The following LY96 variants were observed in gnomAD, a reference collection of about 807,000 sequenced individuals.
LY96 encodes lymphocyte antigen 96, also known as myeloid differentiation protein-2.
Under a neutral mutation model 18.9 loss-of-function variants are expected in LY96, and 18 were observed. The observed-to-expected ratio is 0.95, with a 90% CI of 0.66 to 1.41. The LOEUF is 1.41. LY96 is among the 40% of genes most tolerant of loss of function. LY96 has a pLI of 0.00. For synonymous variants in LY96, 66 were observed against 62.6 expected (o/e 1.06, Z -0.26); for missense variants, 175 against 182.4 (o/e 0.96, Z 0.23).
intron 1 of LY96, among the ~76,000 whole-genome samples, chr8:74,002,413 AT>A (rs1345365814): frequency 6.7e-6 from 1 of 150,372 alleles, no homozygotes; most frequent in African/African-American, 2.5e-5. Flanking sequence ...CTTTTAAATT[AT>A]TTTTTCCTTT....
chr8:74,006,323 G>A (rs1000369866), intron 2 of LY96, among the ~76,000 whole-genome samples: 10 of 151,948 alleles, frequency 6.6e-5, no homozygotes, highest in Non-Finnish European at 8.8e-5. Flanking sequence ...TCAGCCTCCC[G>A]GGTAGCTGGG....
chr8:74,067,035 C>A, the LY96 span, among the ~76,000 whole-genome samples: 4 of 152,138 alleles, frequency 2.6e-5, no homozygotes, highest in African/African-American at 9.7e-5. Context: ...TGTTCTTGTG[C>A]ATCCGGCTAG....
chr8:74,022,289 C>T (rs1816780812), intron 3 of LY96, among the ~76,000 whole-genome samples: 1 of 151,854 alleles, frequency 6.6e-6, no homozygotes, highest in Non-Finnish European at 1.5e-5. Context: ...TGTTTGTAAT[C>T]CCCGCTACCA....
chr8:74,029,784 C>G (rs1022512769), downstream of LY96, among the ~76,000 whole-genome samples: 1 of 152,150 alleles, frequency 6.6e-6, no homozygotes, highest in Non-Finnish European at 1.5e-5. Flanking sequence ...GTCAGCCTCC[C>G]AAGTAGCTGG....
At chr8:74,028,807 A>C (rs1816920080) in intron 4 of LY96, 149 bp from the exon 5 acceptor site, 1 of 537,884 alleles carries the variant, frequency 1.9e-6, no homozygotes, top group South Asian at 2.8e-5. Context: ...ATTTAATTCA[A>C]AGACATGGAA....
intron 4 of LY96, 35 bp from the exon 5 acceptor site, chr8:74,028,921 T>TTTG: frequency 7.8e-7 from 1 of 1,288,796 alleles, no homozygotes; most frequent in South Asian, 1.2e-5. Context: ...CATCTAACAT[T>TTTG]TTGTATTACT....
the LY96 span, among the ~76,000 whole-genome samples, chr8:74,077,738 A>T: frequency 6.6e-6 from 1 of 151,896 alleles, no homozygotes; most frequent in African/African-American, 2.4e-5. Flanking sequence ...AAAATTAAAT[A>T]TATAAAAAGT....
intron 2 of LY96, among the ~76,000 whole-genome samples, chr8:74,005,350 A>G (rs1241420905): frequency 6.6e-6 from 1 of 152,198 alleles, no homozygotes; most frequent in Admixed American, 6.5e-5. Context: ...TAGCATAATC[A>G]TGGAAGTAAC....
chr8:74,093,132 T>A, the LY96 span, among the ~76,000 whole-genome samples: 1 of 152,316 alleles, frequency 6.6e-6, no homozygotes, highest in Admixed American at 6.5e-5. Flanking sequence ...CTTTGCTGTG[T>A]CTGGACGCTG....
the LY96 span, among the ~76,000 whole-genome samples, chr8:74,079,124 G>T: frequency 6.6e-6 from 1 of 152,192 alleles, no homozygotes; most frequent in Non-Finnish European, 1.5e-5. Flanking sequence ...ATCTGTTGAA[G>T]GCCCAGCTAG....
the LY96 span, among the ~76,000 whole-genome samples, chr8:74,051,365 G>A: frequency 6.6e-6 from 1 of 152,112 alleles, no homozygotes; most frequent in Admixed American, 6.6e-5. Flanking sequence ...GTGTAACTTG[G>A]GCATGAGATA....
intron 3 of LY96, among the ~76,000 whole-genome samples, chr8:74,014,846 CAT>C (rs1491030647): frequency 2.2e-3 from 336 of 150,486 alleles, no homozygotes; most frequent in Middle Eastern, 3.4e-3. Flanking sequence ...CACACACACA[CAT>C]ATATCTGTTT....
chr8:74,042,411 C>T, the LY96 span, among the ~76,000 whole-genome samples: 2 of 151,896 alleles, frequency 1.3e-5, no homozygotes, highest in African/African-American at 2.4e-5. Flanking sequence ...GTCTCAGCTA[C>T]TTGGGAGGCT....
chr8:74,074,940 GA>G, the LY96 span, among the ~76,000 whole-genome samples: 2 of 151,710 alleles, frequency 1.3e-5, no homozygotes, highest in Non-Finnish European at 2.9e-5. Context: ...ATATGCTGAG[GA>G]AAAAAAAGTG....
intron 1 of LY96, among the ~76,000 whole-genome samples, chr8:73,997,988 A>T (rs1355664021): frequency 6.6e-6 from 1 of 152,134 alleles, no homozygotes; most frequent in East Asian, 1.9e-4. Context: ...TTCATCATGT[A>T]GGCATAATCG....
intron 3 of LY96, among the ~76,000 whole-genome samples, chr8:74,022,846 T>C (rs1373007259): frequency 1.3e-5 from 2 of 152,160 alleles, no homozygotes; most frequent in African/African-American, 4.8e-5. Flanking sequence ...CCCAAAGTGC[T>C]GGGATTACAG....
Position 74,002,044 on chromosome 8 carries a change from TTCCTTCCTTCC to T in LY96, c.113-2750_113-2740del, listed in dbSNP as rs1816292863. On this transcript the variant is annotated intron_variant, in intron 1 of 4. Transcript: ENST00000284818. Reference sequence around the variant, plus strand: ...CTTCCTTCCTTCCTTCCTTCCTTCCTTCCTTCCTTCCTTCCTTCCTTCCTTCCTTCCTTTCT... The same window carrying T: ...CTTCCTTCCTTCCTTCCTTCCTTCCTTTCCTTCCTTCCTTCCTTCCTTTCT... Among the ~76,000 whole-genome samples the T allele has an allele frequency of 8.4e-5, 3 of 35,750 alleles. 1 individual carries two copies. Among genetic ancestry groups the T allele is most frequent in the African/African-American group, 5.9e-4 (3 of 5,122 alleles). The allele number at this position is 35,750 out of a possible 152,430, so 23.5% of individuals were successfully genotyped here. A position where few individuals can be genotyped will look rare whatever the true frequency, so the allele number is the denominator to read the frequency against.
chr8:74,081,294 TGCCCAG>T, the LY96 span, among the ~76,000 whole-genome samples: 1 of 150,700 alleles, frequency 6.6e-6, no homozygotes, highest in Admixed American at 6.7e-5. Flanking sequence ...CTTGATTTGT[TGCCCAG>T]GCTTAAGTGC....
intron 3 of LY96, among the ~76,000 whole-genome samples, chr8:74,014,951 A>G (rs10104299): frequency 0.049 from 7,428 of 152,218 alleles, 606 homozygotes; most frequent in African/African-American, 0.17. Context: ...TCATGCCTGC[A>G]ATCCCAGCAC....
Sources: allele counts gnomAD v4.1 joint callset (sites outside exome capture counted in the v4.1 genomes callset), GRCh38; gene constraint gnomAD v4.1.1; transcripts MANE v1.5; gene names NCBI Gene and HGNC (gene_info 2026-07-23, HGNC 2026-07-21).